LRP1B: variants seen among roughly 807,000 people sequenced by gnomAD.
The protein encoded by LRP1B is low-density lipoprotein receptor-related protein 1B.
LRP1B carries 217 observed loss-of-function variants against 556.6 expected under a neutral mutation model. The ratio of observed to expected loss-of-function variants is 0.39; its 90% CI spans 0.35 to 0.44. LRP1B has a LOEUF of 0.44. LRP1B is among the 20% of genes least tolerant of loss of function. The pLI is 1.00. For synonymous variants in LRP1B, 2,047 were observed against 1,865.8 expected (o/e 1.10, Z -2.50); for missense variants, 5,053 against 5,620.8 (o/e 0.90, Z 3.23).
At chr2:141,762,984 G>A (rs1369587647) in intron 2 of LRP1B, among the ~76,000 whole-genome samples, 2 of 152,210 alleles carry the variant, frequency 1.3e-5, no homozygotes, top group African/African-American at 4.8e-5. Flanking sequence ...CCAGCTACGT[G>A]TACTGACATC....
At chr2:141,307,602 T>C (rs1410890356) in intron 3 of LRP1B, among the ~76,000 whole-genome samples, 3 of 152,162 alleles carry the variant, frequency 2.0e-5, no homozygotes, top group Non-Finnish European at 4.4e-5. Context: ...AAGTTTAACC[T>C]GTTTACATCC....
At chr2:141,885,866 T>C (rs892933991) in intron 1 of LRP1B, among the ~76,000 whole-genome samples, 2 of 152,306 alleles carry the variant, frequency 1.3e-5, no homozygotes, top group South Asian at 2.1e-4. Context: ...GGCTACATGT[T>C]CCATGGTGTC....
At chr2:141,499,675 G>T (rs1683642049) in intron 2 of LRP1B, among the ~76,000 whole-genome samples, 1 of 151,880 alleles carries the variant, frequency 6.6e-6, no homozygotes. Context: ...TGAAAACATA[G>T]TTAATATATG....
intron 3 of LRP1B, among the ~76,000 whole-genome samples, chr2:141,453,625 G>A (rs1156261277): frequency 1.3e-5 from 2 of 152,082 alleles, no homozygotes; most frequent in East Asian, 1.9e-4. Flanking sequence ...TATATTGAAA[G>A]TTCTACTGTT....
intron 41 of LRP1B, among the ~76,000 whole-genome samples, chr2:140,613,328 T>G (rs954308140): frequency 3.6e-5 from 4 of 112,636 alleles, no homozygotes; most frequent in African/African-American, 1.1e-4. Flanking sequence ...TATAAATATA[T>G]ATAATTATAT....
chr2:142,086,441 G>C (rs549047863), intron 1 of LRP1B, among the ~76,000 whole-genome samples: 193 of 152,062 alleles, frequency 1.3e-3, no homozygotes, highest in Middle Eastern at 3.4e-3. Context: ...AACCTCCTCT[G>C]TACAAATGCA....
At chr2:140,402,243 G>A (rs773893725) in intron 66 of LRP1B, among the ~76,000 whole-genome samples, 1 of 152,200 alleles carries the variant, frequency 6.6e-6, no homozygotes, top group Non-Finnish European at 1.5e-5. Flanking sequence ...ATATCTTTCT[G>A]CTGTTGGAAG....
At chr2:141,821,253 G>A (rs115862041) in intron 1 of LRP1B, among the ~76,000 whole-genome samples, 224 of 152,264 alleles carry the variant, frequency 1.5e-3, no homozygotes, top group Middle Eastern at 0.01. Context: ...AATTTGTTAC[G>A]ATAGCAAAGA....
intron 7 of LRP1B, among the ~76,000 whole-genome samples, chr2:141,103,240 A>T (rs1183196546): frequency 1.3e-5 from 2 of 152,116 alleles, no homozygotes; most frequent in Non-Finnish European, 2.9e-5. Context: ...AGGATTTGTG[A>T]ACATCATCCA....
intron 32 of LRP1B, among the ~76,000 whole-genome samples, chr2:140,777,240 AC>A (rs1229588577): frequency 6.6e-6 from 1 of 152,236 alleles, no homozygotes; most frequent in Admixed American, 6.5e-5. Context: ...AGATATTTTT[AC>A]ATGTAATACC....
chr2:141,546,154 C>T (rs1471146445), intron 2 of LRP1B, among the ~76,000 whole-genome samples: 1 of 152,094 alleles, frequency 6.6e-6, no homozygotes, highest in East Asian at 1.9e-4. Flanking sequence ...GCCAAGTTCA[C>T]ACTTCTTATT....
intron 83 of LRP1B, among the ~76,000 whole-genome samples, chr2:140,308,227 G>A (rs538614632): frequency 6.6e-6 from 1 of 151,756 alleles, no homozygotes; most frequent in South Asian, 2.1e-4. Flanking sequence ...TTGATAAACT[G>A]TTCTTAAACT....
intron 2 of LRP1B, among the ~76,000 whole-genome samples, chr2:141,567,091 T>C (rs1686358766): frequency 2.0e-5 from 3 of 152,194 alleles, no homozygotes; most frequent in South Asian, 4.1e-4. Flanking sequence ...AATTCAGTTA[T>C]AATTCTATTG....
intron 60 of LRP1B, among the ~76,000 whole-genome samples, chr2:140,465,411 G>C (rs1687503146): frequency 1.3e-5 from 2 of 152,274 alleles, no homozygotes; most frequent in South Asian, 4.1e-4. Context: ...TGATAGAACA[G>C]TCCTCCTCTG....
chr2:141,736,022 G>C (rs1693451929), intron 2 of LRP1B, among the ~76,000 whole-genome samples: 2 of 152,254 alleles, frequency 1.3e-5, no homozygotes, highest in South Asian at 4.1e-4. Context: ...GACTGAAAGG[G>C]AACAGGGCAA....
At chr2:141,200,260 A>G (rs1259823819) in intron 6 of LRP1B, among the ~76,000 whole-genome samples, 1 of 152,254 alleles carries the variant, frequency 6.6e-6, no homozygotes, top group Non-Finnish European at 1.5e-5. Flanking sequence ...AAACAAAACA[A>G]AAAACCAAGA....
chr2:141,406,543 CTATCATCTATCT>C (rs1299420008), intron 3 of LRP1B, among the ~76,000 whole-genome samples: 1 of 135,326 alleles, frequency 7.4e-6, no homozygotes, highest in Non-Finnish European at 1.6e-5. Context: ...GAGTATCTAT[CTATCATCTATCT>C]ATCTATCTAT....
At chr2:140,947,239 A>G (rs1471294174) in intron 20 of LRP1B, among the ~76,000 whole-genome samples, 1 of 152,260 alleles carries the variant, frequency 6.6e-6, no homozygotes, top group African/African-American at 2.4e-5. Context: ...ACTTAAATTT[A>G]GAAATTTTCT....
At chr2:142,056,632 A>T (rs1704682113) in intron 1 of LRP1B, among the ~76,000 whole-genome samples, 1 of 152,108 alleles carries the variant, frequency 6.6e-6, no homozygotes, top group Non-Finnish European at 1.5e-5. Flanking sequence ...CTCCCTAAAC[A>T]TCCTTTCTAT....
Sources: gnomAD v4.1 joint callset for allele counts (sites outside exome capture counted in the v4.1 genomes callset) on GRCh38, gnomAD v4.1.1 for gene constraint, MANE v1.5 for transcripts, NCBI Gene and HGNC (gene_info 2026-07-23, HGNC 2026-07-21) for gene names.